ZNF208: variants seen among roughly 807,000 people sequenced by gnomAD.
ZNF208 encodes zinc finger protein 208, also known as zinc finger protein 95.
In ZNF208, 10 loss-of-function variants were observed where a neutral mutation model predicts 12.1. That is an observed-to-expected ratio of 0.83 (90% CI 0.51 to 1.40). The LOEUF (loss-of-function observed/expected upper bound fraction) is 1.40. Ranked by LOEUF, ZNF208 falls within the 40% of genes most tolerant of loss-of-function variation. ZNF208 has a pLI of 0.00. For synonymous variants in ZNF208, 497 were observed against 488.4 expected, an observed-to-expected ratio of 1.02 and a Z score of -0.23; for missense variants, 1,652 against 1,485.0, an observed-to-expected ratio of 1.11 and a Z score of -1.85.
At chr19:21,941,089 C>T (rs1461118551) in intron 4 of ZNF208, 4 of 336,838 alleles carry the variant, frequency 1.2e-5, no homozygotes, top group South Asian at 1.5e-4. Flanking sequence ...TAGCCGTGGT[C>T]CCTGTAAACC....
chr19:21,987,658 C>T (rs917049027), intron 2 of ZNF208, among the ~76,000 whole-genome samples: 1 of 152,138 alleles, frequency 6.6e-6, no homozygotes, highest in African/African-American at 2.4e-5. Flanking sequence ...GATATGCAGG[C>T]TCCTAGTTAG....
At chr19:21,939,863 C>T (rs1411178108) in intron 4 of ZNF208, 1 of 152,182 alleles carries the variant, frequency 6.6e-6, no homozygotes, top group Non-Finnish European at 1.5e-5. Context: ...TTTCAGCCAA[C>T]AGGTTAAAAT....
At chr19:21,941,040 C>G (rs1969731602) in intron 4 of ZNF208, 1 of 249,868 alleles carries the variant, frequency 4.0e-6, no homozygotes, top group South Asian at 1.8e-4. Context: ...GGAACTGGCG[C>G]CCTCCGGAAG....
At chr19:21,963,465 A>G (rs1970111713), downstream of ZNF208, among the ~76,000 whole-genome samples, 3 of 152,192 alleles carry the variant, frequency 2.0e-5, no homozygotes, top group Non-Finnish European at 2.9e-5. Context: ...TACTCTGAAC[A>G]TAGAATTTTC....
chr19:21,990,539 T>G (rs890595108), intron 1 of ZNF208, among the ~76,000 whole-genome samples: 1 of 152,020 alleles, frequency 6.6e-6, no homozygotes, highest in African/African-American at 2.4e-5. Context: ...TGCCTCCAGC[T>G]TTGTTCTTTT....
Position 21,951,539 on chromosome 19 carries a change from C to T in ZNF208, c.306-18302G>A, listed in dbSNP as rs184259112. Among the ~76,000 whole-genome samples, 63 of 152,234 alleles carry T rather than the reference C, an allele frequency of 4.1e-4. 1 individual carries two copies. Among genetic ancestry groups the T allele is most frequent in the Admixed American group, 3.0e-3 (46 of 15,294 alleles). On this transcript the variant is annotated intron_variant, in intron 4 of 4. Transcript: ENST00000599916. ...AGAATACTCTGTGTAAAAATATTAA[C>T]TAAATTCAAAGGAATATCATATGGT... is the stretch of plus-strand genomic sequence containing the variant.
At chr19:21,981,355 T>C (rs6511307) in intron 3 of ZNF208, among the ~76,000 whole-genome samples, 90,571 of 151,822 alleles carry the variant, frequency 0.6, 27,410 homozygotes, top group East Asian at 0.69. Flanking sequence ...AAAAAGCTTA[T>C]CCACCAAGAT....
At chr19:21,948,604 A>T (rs1969847364) in intron 4 of ZNF208, among the ~76,000 whole-genome samples, 1 of 152,154 alleles carries the variant, frequency 6.6e-6, no homozygotes, top group African/African-American at 2.4e-5. Context: ...CTATGATTCA[A>T]GTTCCCTTCT....
At chr19:22,001,892 C>CAAAAAAAAAAAAAAA (rs58939967) in intron 1 of ZNF208, among the ~76,000 whole-genome samples, 1,253 of 74,066 alleles carry the variant, frequency 0.017, 275 homozygotes, top group Middle Eastern at 0.042. Context: ...GACTCCATCC[C>CAAAAAAAAAAAAAAA]AAAAAAAAAA....
At position 21,969,829 on chromosome 19, in the gene ZNF208, A is replaced by G. The variant is rs1305556704; in HGVS notation, c.*1362T>C. ...TTTTCTGAAAGATCTAGTGACAGTGATTGCACTTTTAATACTTTTATTTAG... is the reference window on the plus strand; with the variant it reads ...TTTTCTGAAAGATCTAGTGACAGTGGTTGCACTTTTAATACTTTTATTTAG... On this transcript the variant is annotated 3_prime_UTR_variant, in exon 4 of 4. Coordinates refer to ENST00000397126, the MANE Select transcript of ZNF208 (RefSeq NM_007153.3). 6.6e-6 allele frequency among the ~76,000 whole-genome samples: 1 copy of G among 152,152 alleles called. No individual in the cohort carries two copies.
intron 1 of ZNF208, among the ~76,000 whole-genome samples, chr19:22,008,494 AGT>A: frequency 6.6e-6 from 1 of 151,906 alleles, no homozygotes; most frequent in South Asian, 2.1e-4. Flanking sequence ...ACTATGCCCC[AGT>A]GAGTGCCCCA....
chr19:21,944,082 G>A (rs1017168922), intron 4 of ZNF208, among the ~76,000 whole-genome samples: 1 of 152,168 alleles, frequency 6.6e-6, no homozygotes, highest in Non-Finnish European at 1.5e-5. Flanking sequence ...ATTAAATGCT[G>A]TTTCATGTAT....
intron 1 of ZNF208, among the ~76,000 whole-genome samples, chr19:21,995,375 A>G (rs1322125446): frequency 6.6e-6 from 1 of 152,216 alleles, no homozygotes; most frequent in Non-Finnish European, 1.5e-5. Context: ...TCTGGCTACC[A>G]ACCAGAGATA....
At chr19:21,989,982 A>T (rs1970701904) in intron 1 of ZNF208, among the ~76,000 whole-genome samples, 1 of 152,122 alleles carries the variant, frequency 6.6e-6, no homozygotes, top group African/African-American at 2.4e-5. Flanking sequence ...TCTGGATATT[A>T]GCCCTTTGTC....
downstream of ZNF208, among the ~76,000 whole-genome samples, chr19:21,964,323 C>A (rs1970127791): frequency 1.3e-5 from 2 of 151,656 alleles, no homozygotes; most frequent in Admixed American, 6.6e-5. Context: ...ACCCAGCACT[C>A]AGAAATAGAC....
rs752087933 is a variant in ZNF208, at chr19:21,972,581, G to A, written c.2453C>T (p.Ser818Leu). The A allele has an allele frequency of 1.7e-5, 27 of 1,613,292 alleles. No individual in the cohort carries two copies. Among genetic ancestry groups the A allele is most frequent in the East Asian group, 2.2e-5 (1 of 44,800 alleles). The change falls in exon 4 of 4, where the codon TCA becomes TTA. Residue 818 changes from serine (S) to leucine (L), a missense_variant. By Grantham distance (145) the Ser-to-Leu change is moderately radical (BLOSUM62 -2). Around this residue, in one of 3 missense-constraint regions of ZNF208, gnomAD observed 1,239 missense variants for 1,086.2 expected, o/e 1.14. Transcript: ENST00000397126. ...EECGKTFSKV[S>L]TLTTHKAIHA... Reference sequence around the variant, plus strand: ...AATTGCCTTATGTGTAGTAAGGGTTGAGACCTTACTAAAGGTTTTGCCACA... The same window carrying A: ...AATTGCCTTATGTGTAGTAAGGGTTAAGACCTTACTAAAGGTTTTGCCACA...
At chr19:21,984,525 C>T (rs1970600457) in intron 3 of ZNF208, among the ~76,000 whole-genome samples, 1 of 151,950 alleles carries the variant, frequency 6.6e-6, no homozygotes, top group African/African-American at 2.4e-5. Context: ...TGCACTCCAG[C>T]CTGGTGATAG....
chr19:21,966,282 T>G lies in ZNF208; in HGVS notation c.*4909A>C, dbSNP rs1413750425. 1 of 152,088 alleles carries G rather than the reference T, an allele frequency of 6.6e-6. No homozygotes were observed. The highest frequency in any genetic ancestry group is 2.4e-5 in the African/African-American group (1 of 41,442). The allele number at this position is 152,088 out of a possible 1,614,324, so 9.4% of individuals were successfully genotyped here. ...TCCTTCCTCCTTCTTTTTAGAATTCTCAGTGTTTATTGTTTTCATCTTTGT... is the reference window on the plus strand; with the variant it reads ...TCCTTCCTCCTTCTTTTTAGAATTCGCAGTGTTTATTGTTTTCATCTTTGT... On this transcript the variant is annotated 3_prime_UTR_variant, in exon 4 of 4. Coordinates refer to ENST00000397126, the MANE Select transcript of ZNF208 (RefSeq NM_007153.3).
rs1310183489 is a variant in ZNF208, at chr19:21,970,231, G to T, written c.*960C>A. 6.6e-6 allele frequency among the ~76,000 whole-genome samples: 1 copy of T among 152,106 alleles called. No individual in the cohort carries two copies. The highest frequency in any genetic ancestry group is 2.4e-5 in the African/African-American group (1 of 41,430). ...TTAGCTTATGTCTCTTAAGAATTGAGGATCTATTAGAGGCTTTCCCACATT... is the reference window on the plus strand; with the variant it reads ...TTAGCTTATGTCTCTTAAGAATTGATGATCTATTAGAGGCTTTCCCACATT... On this transcript the variant is annotated 3_prime_UTR_variant, in exon 4 of 4. Coordinates refer to ENST00000397126, the MANE Select transcript of ZNF208 (RefSeq NM_007153.3).
Sources: gnomAD v4.1 joint callset for allele counts (sites outside exome capture counted in the v4.1 genomes callset) on GRCh38, gnomAD v4.1.1 for gene constraint, gnomAD v4.1.1 regional missense constraint, MANE v1.5 for transcripts, NCBI Gene and HGNC (gene_info 2026-07-23, HGNC 2026-07-21) for gene names.